The following CPS1 variants were observed in gnomAD, a reference collection of about 807,000 sequenced individuals.
CPS1 encodes carbamoyl-phosphate synthase 1, also known as carbamoyl-phosphate synthase [ammonia], mitochondrial.
Under a neutral mutation model 174.6 loss-of-function variants are expected in CPS1, and 109 were observed. The ratio of observed to expected loss-of-function variants is 0.62; its 90% CI spans 0.53 to 0.73. The LOEUF (loss-of-function observed/expected upper bound fraction) is 0.73, where lower values mean the gene tolerates loss of function less well. Ranked by LOEUF, CPS1 falls within the 30% of genes least tolerant of loss-of-function variation. The probability of loss-of-function intolerance (pLI) is 0.00; values close to 1 mark genes in which losing one functional copy is unlikely to be tolerated. For missense variants in CPS1, 1,689 were observed against 1,821.9 expected (o/e 0.93, Z 1.33); for synonymous variants, 637 against 632.0 (o/e 1.01, Z -0.12).
chr2:210,600,203 C>G (rs909770151), intron 14 of CPS1, among the ~76,000 whole-genome samples: 1 of 151,142 alleles, frequency 6.6e-6, no homozygotes, highest in Non-Finnish European at 1.5e-5. Flanking sequence ...CAGGTAGGTA[C>G]TCATATATTT....
At chr2:210,523,154 T>G (rs1695873047) in intron 1 of CPS1, among the ~76,000 whole-genome samples, 1 of 152,006 alleles carries the variant, frequency 6.6e-6, no homozygotes, top group Non-Finnish European at 1.5e-5. Flanking sequence ...AAAATAAGCA[T>G]GGGCTATGTA....
chr2:210,548,622 G>T lies in CPS1; in HGVS notation c.4-8097G>T, dbSNP rs1184583626. On this transcript the variant is annotated intron_variant, in intron 1 of 38. Transcript: ENST00000430249. ...GTAGTTTGTAGAATTCAAGGATTAG[G>T]GTTGGCTTCCTTTTGTCTTTCTTTC... 2.0e-5 allele frequency among the ~76,000 whole-genome samples: 3 copies of T among 151,912 alleles called. No individual in the cohort carries two copies. In the East Asian group the frequency reaches 5.8e-4, roughly 29 times the overall value.
At chr2:210,598,834 G>T (rs1000726719) in intron 13 of CPS1, among the ~76,000 whole-genome samples, 8 of 151,684 alleles carry the variant, frequency 5.3e-5, no homozygotes, top group African/African-American at 1.7e-4. Context: ...AGATATTCAG[G>T]ACCTAAACTT....
At position 210,600,601 on chromosome 2, in the gene CPS1, A is replaced by G. The variant is rs1698686193; in HGVS notation, c.1596A>G (p.Lys532=). Residue 532 remains lysine (K), a synonymous_variant, in exon 15 of 38, where the codon AAA becomes AAG. Coordinates refer to ENST00000233072, the MANE Select transcript of CPS1 (RefSeq NM_001875.5). ...KRGVLKEYGV[K]VLGTSVESIM... The stretch of plus-strand genomic sequence containing the variant: ...GTGTGCTCAAGGAATATGGTGTGAA[A>G]GTCCTGGGAACTTCAGTTGAGTCCA... The G allele has an allele frequency of 6.2e-7, 1 of 1,612,190 alleles. No individual in the cohort carries two copies. Among genetic ancestry groups the G allele is most frequent in the Admixed American group, 1.7e-5 (1 of 59,826 alleles).
At chr2:210,542,080 T>C (rs1156664833) in intron 1 of CPS1, among the ~76,000 whole-genome samples, 1 of 152,144 alleles carries the variant, frequency 6.6e-6, no homozygotes, top group Non-Finnish European at 1.5e-5. Flanking sequence ...GAGCATTCTT[T>C]CTTATCTAGC....
At chr2:210,631,844 T>C (rs1184132855) in intron 21 of CPS1, among the ~76,000 whole-genome samples, 2 of 152,076 alleles carry the variant, frequency 1.3e-5, no homozygotes, top group Non-Finnish European at 2.9e-5. Flanking sequence ...TTCAAAAGAG[T>C]AAAAATTAAC....
chr2:210,592,972 G>A lies in CPS1; in HGVS notation c.1164+16G>A, dbSNP rs534155824. 2.5e-6 allele frequency: 4 copies of A among 1,606,202 alleles called. No homozygotes were observed. Among genetic ancestry groups the A allele is most frequent in the Non-Finnish European group, 3.4e-6 (4 of 1,173,672 alleles). ...AGACACTGAGGTACGTCAAAAAGAT[G>A]AGGCCTATTATGTATGCAAAAAAAA... On this transcript the variant is annotated intron_variant, in intron 11 of 37. Coordinates refer to ENST00000233072, the MANE Select transcript of CPS1 (RefSeq NM_001875.5).
intron 28 of CPS1, among the ~76,000 whole-genome samples, chr2:210,652,770 A>G (rs911625263): frequency 1.3e-5 from 2 of 152,226 alleles, no homozygotes; most frequent in Non-Finnish European, 2.9e-5. Flanking sequence ...GAGATAGAGA[A>G]GGAAATATAG....
At chr2:210,595,694 T>A in intron 13 of CPS1, 112 bp downstream of exon 13, 2 of 783,300 alleles carry the variant, frequency 2.6e-6, no homozygotes, top group Non-Finnish European at 4.3e-6. Flanking sequence ...CTATAATTAT[T>A]TTCCTTAACT....
chr2:210,506,251 G>A (rs1300554021), intron 1 of CPS1, among the ~76,000 whole-genome samples: 11 of 152,208 alleles, frequency 7.2e-5, no homozygotes, highest in South Asian at 4.2e-4. Context: ...TGCAGCCTCC[G>A]CTTCTGATAC....
rs550362357 is a variant in CPS1, at chr2:210,646,676, C to T, written c.3142-1187C>T. Among the ~76,000 whole-genome samples the T allele has an allele frequency of 3.9e-5, 6 of 152,186 alleles. 1 individual carries two copies. In the Middle Eastern group the frequency reaches 0.017, roughly 431 times the overall value. ...AATAATCATGTCTTATTTATTTATA[C>T]ACTTACGGTATATAGGACCTTTAAT... On this transcript the variant is annotated intron_variant, in intron 25 of 37. Transcript: ENST00000233072.
At chr2:210,510,734 G>A (rs1379839259) in intron 1 of CPS1, among the ~76,000 whole-genome samples, 24 of 151,980 alleles carry the variant, frequency 1.6e-4, no homozygotes, top group Admixed American at 4.6e-4. Flanking sequence ...ATGAACAGAC[G>A]CTTCTCAAAA....
At chr2:210,518,712 C>T (rs546063333) in intron 1 of CPS1, among the ~76,000 whole-genome samples, 25 of 151,950 alleles carry the variant, frequency 1.6e-4, no homozygotes, top group Admixed American at 3.9e-4. Context: ...TATTAAGCTT[C>T]GGCTATTTTT....
At chr2:210,529,888 C>T (rs1696074331) in intron 1 of CPS1, among the ~76,000 whole-genome samples, 1 of 151,988 alleles carries the variant, frequency 6.6e-6, no homozygotes, top group Non-Finnish European at 1.5e-5. Context: ...GAGATATACC[C>T]ACAATATAAT....
intron 1 of CPS1, among the ~76,000 whole-genome samples, chr2:210,569,810 G>A (rs1157130472): frequency 6.6e-6 from 1 of 151,888 alleles, no homozygotes; most frequent in Non-Finnish European, 1.5e-5. Context: ...CATTCTACAA[G>A]AATACACTCT....
At chr2:210,676,360 T>C (rs1316977688) in intron 36 of CPS1, among the ~76,000 whole-genome samples, 11 of 152,186 alleles carry the variant, frequency 7.2e-5, no homozygotes. Context: ...TTTCAGCAGA[T>C]TGTGTGAATC....
intron 1 of CPS1, among the ~76,000 whole-genome samples, chr2:210,535,404 C>A (rs777375135): frequency 1.3e-5 from 2 of 152,130 alleles, no homozygotes; most frequent in Admixed American, 6.5e-5. Context: ...TTCTATCTAC[C>A]TTTTTGCATT....
chr2:210,617,036 A>G (rs1699335065), intron 21 of CPS1, among the ~76,000 whole-genome samples: 1 of 152,056 alleles, frequency 6.6e-6, no homozygotes, highest in East Asian at 1.9e-4. Context: ...AGTTCAGCAT[A>G]CAATTAAGCC....
intron 36 of CPS1, among the ~76,000 whole-genome samples, chr2:210,676,254 T>C (rs1259100122): frequency 1.3e-5 from 2 of 152,260 alleles, no homozygotes; most frequent in Non-Finnish European, 2.9e-5. Context: ...TTGAGTACTA[T>C]GATGATGTCA....
Sources: gnomAD v4.1 joint callset for allele counts (sites outside exome capture counted in the v4.1 genomes callset) on GRCh38, gnomAD v4.1.1 for gene constraint, MANE v1.5 for transcripts, NCBI Gene and HGNC (gene_info 2026-07-23, HGNC 2026-07-21) for gene names.